The following PASK variants were observed in gnomAD, a reference collection of about 807,000 sequenced individuals.
PASK encodes PAS domain-containing serine/threonine-protein kinase.
PASK carries 110 observed loss-of-function variants against 121.0 expected under a neutral mutation model. The ratio of observed to expected loss-of-function variants is 0.91; its 90% CI spans 0.78 to 1.06. The LOEUF is 1.06. Among genes scored for constraint, PASK ranks in the 50% least tolerant of loss-of-function variants. The pLI is 0.00. For synonymous variants in PASK, 686 were observed against 717.8 expected (o/e 0.96, Z 0.71); for missense variants, 1,643 against 1,702.3 (o/e 0.97, Z 0.61).
intron 8 of PASK, among the ~76,000 whole-genome samples, chr2:241,135,248 T>C (rs1559389904): frequency 6.6e-6 from 1 of 152,170 alleles, no homozygotes; most frequent in African/African-American, 2.4e-5. Flanking sequence ...AACCAGGAAA[T>C]ACTGGTAGAA....
chr2:241,114,333 G>A (rs2065236074), intron 14 of PASK: 1 of 985,452 alleles, frequency 1.0e-6, no homozygotes, highest in South Asian at 4.7e-5. Context: ...TAGAAATCGA[G>A]TTGTCCCCAG....
rs114555648 is a variant in PASK at position 241,129,540 on chromosome 2, G to C, written c.1464-2089C>G. 5.0e-3 allele frequency among the ~76,000 whole-genome samples: 755 copies of C among 152,294 alleles called. 5 individuals are homozygous for C. Among genetic ancestry groups the C allele is most frequent in the Non-Finnish European group, 7.1e-3 (481 of 68,028 alleles). ...CACAAACAGCTTCTCACGTGCTTAGGGCCAATTTGACCGTCCAATGCTTTT... is the reference window on the plus strand; with the variant it reads ...CACAAACAGCTTCTCACGTGCTTAGCGCCAATTTGACCGTCCAATGCTTTT... On this transcript the variant is annotated intron_variant, in intron 9 of 17. Transcript: ENST00000234040.
chr2:241,117,134 C>A (rs980777013), intron 12 of PASK, among the ~76,000 whole-genome samples: 52 of 152,036 alleles, frequency 3.4e-4, no homozygotes, highest in African/African-American at 1.2e-3. Context: ...GGGGCCAGGG[C>A]GGGAGCAGGA....
chr2:241,110,801 C>A (rs552507041), intron 15 of PASK, among the ~76,000 whole-genome samples: 19 of 152,200 alleles, frequency 1.2e-4, no homozygotes, highest in Non-Finnish European at 2.2e-4. Flanking sequence ...CCCACCAGCG[C>A]CCACCAGGCT....
chr2:241,126,650 C>T lies in PASK; in HGVS notation c.2265G>A (p.Thr755=), dbSNP rs763968844. Residue 755 remains threonine, a synonymous_variant, in exon 10 of 18, where the codon ACG becomes ACA. Transcript: ENST00000234040. ...ACGTAGCACAGGAACAATTTGATGA[C>T]GTTTGGTCTGTCTGGTCACTGAAAA... The part of the protein sequence containing the change: ...ELFFSDQTDQ[T]SSNCSCATSE... 2.9e-5 allele frequency: 47 copies of T among 1,614,074 alleles called. No homozygotes were observed. Among genetic ancestry groups the T allele is most frequent in the African/African-American group, 5.3e-5 (4 of 74,938 alleles).
chr2:241,131,687 G>A (rs540078996), intron 9 of PASK, among the ~76,000 whole-genome samples: 2 of 152,242 alleles, frequency 1.3e-5, no homozygotes, highest in South Asian at 4.2e-4. Context: ...CCCAGGGTCT[G>A]CAGGCAGCCA....
chr2:241,119,257 T>C (rs3771352), intron 12 of PASK, among the ~76,000 whole-genome samples: 44,724 of 152,062 alleles, frequency 0.29, 9,167 homozygotes, highest in East Asian at 0.56. Flanking sequence ...TGTCTTTTCT[T>C]TCGGAGGGTG....
At chr2:241,115,652 C>T (rs1354494076) in intron 12 of PASK, among the ~76,000 whole-genome samples, 17 of 148,124 alleles carry the variant, frequency 1.1e-4, no homozygotes, top group African/African-American at 4.0e-4. Context: ...ACACCAGGGA[C>T]ACCCGGTCCT....
chr2:241,127,530 G>A, intron 9 of PASK, 79 bp from the exon 10 acceptor site: 2 of 1,170,562 alleles, frequency 1.7e-6, no homozygotes, highest in South Asian at 1.2e-5. Flanking sequence ...TTCTCCATTA[G>A]AACTAAGTAC....
intron 2 of PASK, among the ~76,000 whole-genome samples, chr2:241,142,183 C>T (rs1384683224): frequency 2.6e-5 from 4 of 152,118 alleles, no homozygotes; most frequent in Admixed American, 1.3e-4. Context: ...ACTCCAGTGT[C>T]GAAGTGCTCC....
At chr2:241,118,849 T>C in intron 12 of PASK, 1 of 804,478 alleles carries the variant, frequency 1.2e-6, no homozygotes, top group Non-Finnish European at 1.6e-6. Context: ...CCGCACCCGG[T>C]GGAGGCCATG....
Position 241,127,404 on chromosome 2 carries a change from G to A in PASK, c.1511C>T (p.Ala504Val), listed in dbSNP as rs755554702. 6.2e-6 allele frequency: 10 copies of A among 1,613,956 alleles called. No individual in the cohort carries two copies. Among genetic ancestry groups the A allele is most frequent in the South Asian group, 3.3e-5 (3 of 91,076 alleles). The change falls in exon 10 of 18, where the codon GCG (alanine) becomes GTG (valine). Residue 504 changes from alanine to valine, a missense_variant. Around this residue, in one of 3 missense-constraint regions of PASK, gnomAD observed 1,176 missense variants for 1,162.2 expected, o/e 1.01. Transcript: ENST00000234040. ...EGSLPVHGEQALPKDQQITAL... is the reference protein window; with the variant it reads ...EGSLPVHGEQVLPKDQQITAL... ...AGTGATTTGCTGGTCCTTGGGCAGCGCCTGTTCACCGTGCACTGGCAGGCT... is the reference window on the plus strand; with the variant it reads ...AGTGATTTGCTGGTCCTTGGGCAGCACCTGTTCACCGTGCACTGGCAGGCT...
chr2:241,132,723 T>C (rs549975562), intron 9 of PASK, 151 bp downstream of exon 9: 3 of 711,148 alleles, frequency 4.2e-6, no homozygotes, highest in African/African-American at 1.7e-5. Context: ...CAGCAGTCAG[T>C]GTGTGTGGAA....
chr2:241,139,551 C>A (rs879534214), intron 4 of PASK: 1 of 565,596 alleles, frequency 1.8e-6, no homozygotes, highest in African/African-American at 1.9e-5. Context: ...AACCATATTA[C>A]TCTTGAGCAT....
intron 17 of PASK, 58 bp downstream of exon 17, chr2:241,107,295 G>T (rs1299540237): frequency 7.3e-6 from 11 of 1,501,218 alleles, no homozygotes; most frequent in Non-Finnish European, 1.0e-5. Context: ...AGGCAGCCTG[G>T]GGACCTCGTT....
chr2:241,110,890 T>C (rs1266750747), intron 15 of PASK, among the ~76,000 whole-genome samples: 2 of 152,192 alleles, frequency 1.3e-5, no homozygotes, highest in Non-Finnish European at 2.9e-5. Flanking sequence ...TCACGCTGTT[T>C]GGTGGCTCTG....
At position 241,115,047 on chromosome 2, in the gene PASK, C is replaced by T. The variant is rs762076400; in HGVS notation, c.3329G>A (p.Arg1110Gln). The change falls in exon 14 of 18, where the codon CGA becomes CAA. Residue 1110 changes from arginine to glutamine, a missense_variant. By Grantham distance (43) the Arg-to-Gln change is conservative. Transcript: ENST00000234040. ...LDEPLASYIF[R>Q]QLVSAVGYLR... ...ACGGCTCTGGCCTGCTCTCACTTGT[C>T]GGAAGATGTAGCTCGCCAGGGGCTC... 96 of 1,613,992 alleles carry T rather than the reference C, an allele frequency of 5.9e-5. No homozygotes were observed. Among genetic ancestry groups the T allele is most frequent in the Non-Finnish European group, 7.7e-5 (91 of 1,179,998 alleles).
chr2:241,132,527 TAAAAAAAAAAAA>T (rs71049553), intron 9 of PASK, among the ~76,000 whole-genome samples: 4 of 39,532 alleles, frequency 1.0e-4, no homozygotes, highest in South Asian at 9.6e-4. Flanking sequence ...AGACTCTGTC[TAAAAAAAAAAAA>T]AAAAAAAAAA....
At chr2:241,142,762 T>C in intron 2 of PASK, 75 bp downstream of exon 2, 6 of 1,154,570 alleles carry the variant, frequency 5.2e-6, no homozygotes, top group Non-Finnish European at 7.7e-6. Flanking sequence ...GGTGAGAGGG[T>C]TTCCATGAGA....
Sources: gnomAD v4.1 joint callset for allele counts (sites outside exome capture counted in the v4.1 genomes callset) on GRCh38, gnomAD v4.1.1 for gene constraint, gnomAD v4.1.1 regional missense constraint, MANE v1.5 for transcripts, NCBI Gene and HGNC (gene_info 2026-07-23, HGNC 2026-07-21) for gene names.